The following CSMD2 variants were observed in gnomAD, a reference collection of about 807,000 sequenced individuals.
The protein encoded by CSMD2 is CUB and Sushi multiple domains 2.
Under a neutral mutation model 398.5 loss-of-function variants are expected in CSMD2, and 130 were observed. The observed-to-expected ratio is 0.33, with a 90% CI of 0.28 to 0.38. CSMD2 has a LOEUF of 0.38. CSMD2 is among the 10% of genes least tolerant of loss of function. The pLI, the probability that CSMD2 is intolerant of heterozygous loss-of-function variation, is 1.00. For synonymous variants in CSMD2, 1,828 were observed against 1,908.5 expected (o/e 0.96, Z 1.10); for missense variants, 3,829 against 4,764.9 (o/e 0.80, Z 5.78).
intron 9 of CSMD2, chr1:33,812,871 A>T (rs1657014393): frequency 6.6e-6 from 1 of 152,098 alleles, no homozygotes; most frequent in Admixed American, 6.6e-5. Context: ...AAGGCTAAGG[A>T]TCCTTTTTCT....
At position 33,792,418 on chromosome 1, in the gene CSMD2, C is replaced by T. The variant is rs1047051805; in HGVS notation, c.1550+5G>A. ...CTTCCAAACAACATGCCCCACTGCA[C>T]TTACATGTAGAGAACTGTCTTCTGG... On this transcript the variant is annotated splice_donor_5th_base_variant and intron_variant, in intron 11 of 70. Transcript: ENST00000373381. 3 of 1,609,586 alleles carry T rather than the reference C, an allele frequency of 1.9e-6. 1 individual carries two copies. The highest frequency in any genetic ancestry group is 2.6e-6 in the Non-Finnish European group (3 of 1,175,902).
intron 2 of CSMD2, among the ~76,000 whole-genome samples, chr1:34,042,797 C>T (rs1652007057): frequency 1.3e-5 from 2 of 152,096 alleles, no homozygotes; most frequent in African/African-American, 2.4e-5. Context: ...ACACTGGCTT[C>T]TATTTTTTGA....
chr1:33,825,859 G>A, intron 6 of CSMD2, 85 bp from the exon 7 acceptor site: 1 of 1,103,632 alleles, frequency 9.1e-7, no homozygotes, highest in Non-Finnish European at 1.3e-6. Context: ...TCCCCCTTGT[G>A]CCTTGGAACA....
intron 3 of CSMD2, among the ~76,000 whole-genome samples, chr1:33,939,958 C>T (rs1644611184): frequency 6.6e-6 from 1 of 152,218 alleles, no homozygotes; most frequent in Admixed American, 6.5e-5. Context: ...AGGGTGTTTT[C>T]ATTTGCTAGG....
chr1:34,136,749 A>G (rs550853037), intron 1 of CSMD2, among the ~76,000 whole-genome samples: 24 of 152,300 alleles, frequency 1.6e-4, no homozygotes, highest in African/African-American at 5.3e-4. Flanking sequence ...CGATCCATCT[A>G]TTATTCAATC....
intron 1 of CSMD2, among the ~76,000 whole-genome samples, chr1:34,108,082 C>CA (rs1353277529): frequency 6.6e-6 from 1 of 152,178 alleles, no homozygotes; most frequent in African/African-American, 2.4e-5. Flanking sequence ...GTCTGCTTGT[C>CA]AACGGTGTCT....
chr1:34,019,559 G>A (rs1473165404), intron 3 of CSMD2, among the ~76,000 whole-genome samples: 1 of 152,178 alleles, frequency 6.6e-6, no homozygotes, highest in Non-Finnish European at 1.5e-5. Context: ...CCTTGTCCTG[G>A]CACCATCCTC....
Position 33,714,669 on chromosome 1 carries a change from C to T in CSMD2, c.3324G>A (p.Gly1108=). 1 of 1,614,020 alleles carries T rather than the reference C, an allele frequency of 6.2e-7. No homozygotes were observed. Among genetic ancestry groups the T allele is most frequent in the South Asian group, 1.1e-5 (1 of 91,088 alleles). Residue 1108 remains glycine (G), a synonymous_variant, in exon 21 of 71, where the codon GGG becomes GGA. Transcript: ENST00000373381. ...GDTLTFSCFP[G]YRLEGTARIT... ...TGCGGGCGGTGCCCTCCAGACGGTA[C>T]CCGGGGAAGCAGGAGAAGGTCAAGG...
chr1:33,949,321 G>C (rs1435519528), intron 3 of CSMD2, among the ~76,000 whole-genome samples: 1 of 152,226 alleles, frequency 6.6e-6, no homozygotes, highest in Non-Finnish European at 1.5e-5. Flanking sequence ...CTGAAAAAGA[G>C]AGAAGCCGGG....
At chr1:33,813,161 A>G (rs976829642) in intron 9 of CSMD2, 1 of 152,220 alleles carries the variant, frequency 6.6e-6, no homozygotes, top group African/African-American at 2.4e-5. Context: ...ATTAGATGGT[A>G]TATTTGCAGT....
intron 14 of CSMD2, among the ~76,000 whole-genome samples, chr1:33,740,191 C>CA (rs1647011414): frequency 6.6e-6 from 1 of 152,142 alleles, no homozygotes. Flanking sequence ...CCCTCCTCTG[C>CA]ATGGGAAGAT....
intron 32 of CSMD2, among the ~76,000 whole-genome samples, chr1:33,630,801 T>C (rs1642422860): frequency 6.6e-6 from 1 of 152,172 alleles, no homozygotes; most frequent in Non-Finnish European, 1.5e-5. Context: ...GAAAAGACAT[T>C]CTTAGCCAAC....
chr1:34,005,860 T>A (rs770764774), intron 3 of CSMD2, among the ~76,000 whole-genome samples: 6 of 152,232 alleles, frequency 3.9e-5, no homozygotes, highest in Admixed American at 3.9e-4. Flanking sequence ...CACACTGTTA[T>A]GATGCTATCC....
intron 45 of CSMD2, 70 bp downstream of exon 45, chr1:33,587,018 C>A: frequency 8.0e-7 from 1 of 1,253,160 alleles, no homozygotes; most frequent in Admixed American, 2.1e-5. Flanking sequence ...GGCCCGACAG[C>A]TCCCCCCGCC....
chr1:34,034,300 C>T (rs1312873594), intron 2 of CSMD2, among the ~76,000 whole-genome samples: 1 of 152,014 alleles, frequency 6.6e-6, no homozygotes, highest in Non-Finnish European at 1.5e-5. Context: ...TCGCGACATA[C>T]TAGCCCTCAT....
chr1:34,143,542 A>T (rs563172968), intron 1 of CSMD2, among the ~76,000 whole-genome samples: 1 of 152,272 alleles, frequency 6.6e-6, no homozygotes, highest in South Asian at 2.1e-4. Context: ...TCTGCAGGTG[A>T]TATATTAGAA....
rs371538613 is a variant in CSMD2 at position 33,864,618 on chromosome 1, G to T, written c.921-17622C>A. 7 of 1,613,982 alleles carry T rather than the reference G, an allele frequency of 4.3e-6. No homozygotes were observed. The East Asian group carries it at 1.6e-4, about 36-fold the overall frequency. On this transcript the variant is annotated intron_variant, in intron 5 of 70. Transcript: ENST00000373381. ...GACAGACCTGGAGAAGCACCCTTAT[G>T]AGCAAAGAGTGGCTCTCCTGAGAGC... is the stretch of plus-strand genomic sequence containing the variant.
At chr1:33,619,599 T>C (rs1338675547) in intron 37 of CSMD2, among the ~76,000 whole-genome samples, 1 of 152,210 alleles carries the variant, frequency 6.6e-6, no homozygotes, top group Non-Finnish European at 1.5e-5. Context: ...ATCTTGAGTG[T>C]ACATGTGCTG....
At chr1:33,724,460 T>A in intron 18 of CSMD2, 56 bp downstream of exon 18, 7 of 1,586,044 alleles carry the variant, frequency 4.4e-6, no homozygotes, top group Non-Finnish European at 6.0e-6. Context: ...AGCACCTGTG[T>A]TTCTGTGGCA....
Sources: allele counts gnomAD v4.1 joint callset (sites outside exome capture counted in the v4.1 genomes callset), GRCh38; gene constraint gnomAD v4.1.1; transcripts MANE v1.5; gene names NCBI Gene and HGNC (gene_info 2026-07-23, HGNC 2026-07-21).